KIAA0930: variants seen among roughly 807,000 people sequenced by gnomAD.
KIAA0930 encodes KIAA0930.
A neutral mutation model predicts 43.9 loss-of-function variants in KIAA0930; 24 were observed. The observed-to-expected ratio is 0.55, with a 90% CI of 0.40 to 0.77. The LOEUF (loss-of-function observed/expected upper bound fraction) is 0.77, where lower values mean the gene tolerates loss of function less well. Among genes scored for constraint, KIAA0930 ranks in the 30% least tolerant of loss-of-function variants. The pLI is 0.00. For synonymous variants in KIAA0930, 259 were observed against 216.4 expected (o/e 1.20, Z -1.73); for missense variants, 461 against 574.2 (o/e 0.80, Z 2.02).
chr22:45,224,354 T>C (rs2083785572), intron 1 of KIAA0930, among the ~76,000 whole-genome samples: 1 of 152,250 alleles, frequency 6.6e-6, no homozygotes, highest in Non-Finnish European at 1.5e-5. Flanking sequence ...AACTTCGTCC[T>C]GTTTTACAAA....
intron 1 of KIAA0930, among the ~76,000 whole-genome samples, chr22:45,231,019 C>T (rs145938070): frequency 3.9e-5 from 6 of 152,096 alleles, no homozygotes; most frequent in African/African-American, 1.4e-4. Context: ...GAGACTGAGG[C>T]AGATGGATCA....
At chr22:45,240,434 G>A (rs1185169898) in intron 1 of KIAA0930, among the ~76,000 whole-genome samples, 1 of 152,106 alleles carries the variant, frequency 6.6e-6, no homozygotes, top group Non-Finnish European at 1.5e-5. Flanking sequence ...CGGGGCGCTC[G>A]TCGGACGGAA....
chr22:45,212,812 G>A (rs769625082), intron 1 of KIAA0930, among the ~76,000 whole-genome samples: 1 of 152,220 alleles, frequency 6.6e-6, no homozygotes, highest in East Asian at 1.9e-4. Context: ...CAGCGCTGCC[G>A]CTGGTGATGG....
chr22:45,205,399 G>A (rs2083627627), intron 4 of KIAA0930, 81 bp from the exon 5 acceptor site: 2 of 1,250,532 alleles, frequency 1.6e-6, no homozygotes, highest in Non-Finnish European at 2.3e-6. Flanking sequence ...AGTATAGGGA[G>A]GCCACCCGGC....
intron 2 of KIAA0930, chr22:45,211,479 C>T (rs1018798551): frequency 2.5e-6 from 1 of 402,598 alleles, no homozygotes. Flanking sequence ...GTTGGGACTT[C>T]ACAAGGAGGC....
At chr22:45,226,244 G>A (rs2147760018) in intron 1 of KIAA0930, 1 of 471,102 alleles carries the variant, frequency 2.1e-6, no homozygotes, top group Non-Finnish European at 4.4e-6. Context: ...CAATCCCCAG[G>A]CCACATGTGT....
At position 45,209,265 on chromosome 22, in the gene KIAA0930, T is replaced by C. The variant is rs1297927970; in HGVS notation, c.216+2691A>G. On this transcript the variant is annotated intron_variant, in intron 2 of 9. Transcript: ENST00000336156. ...CCAGGCTCCCGCAGAGGACTTGCAG[T>C]GCGCAGGCGACTCCGCGGGTCCCCC... is the stretch of plus-strand genomic sequence containing the variant. Among the ~76,000 whole-genome samples the C allele has an allele frequency of 4.6e-5, 7 of 152,240 alleles. No individual in the cohort carries two copies. In the East Asian group the frequency reaches 1.4e-3, roughly 29 times the overall value.
intron 1 of KIAA0930, among the ~76,000 whole-genome samples, chr22:45,217,142 CT>C (rs1297021785): frequency 6.6e-6 from 1 of 152,096 alleles, no homozygotes; most frequent in East Asian, 1.9e-4. Context: ...AGGTAGAATA[CT>C]TGAGGTCAGG....
At chr22:45,216,874 C>T (rs5766549) in intron 1 of KIAA0930, among the ~76,000 whole-genome samples, 23,730 of 152,024 alleles carry the variant, frequency 0.16, 2,150 homozygotes, top group African/African-American at 0.24. Context: ...CCCTGCCTTC[C>T]CTCCCTTCCC....
At chr22:45,223,936 C>CCA (rs1410504024) in intron 1 of KIAA0930, among the ~76,000 whole-genome samples, 1 of 145,448 alleles carries the variant, frequency 6.9e-6, no homozygotes, top group Non-Finnish European at 1.5e-5. Flanking sequence ...CCCAGGGTAA[C>CCA]CACTGAGCCA....
chr22:45,199,849 C>A, intron 8 of KIAA0930, 24 bp downstream of exon 8: 1 of 1,535,526 alleles, frequency 6.5e-7, no homozygotes, highest in East Asian at 2.4e-5. Flanking sequence ...CACGGGGACC[C>A]TAGGGCACGG....
Position 45,195,322 on chromosome 22 carries a change from G to C in KIAA0930, c.*1854C>G, listed in dbSNP as rs559616162. The C allele has an allele frequency of 6.6e-6, 1 of 152,390 alleles. No homozygotes were observed. Among genetic ancestry groups the C allele is most frequent in the East Asian group, 1.9e-4 (1 of 5,180 alleles). 9.4% of individuals were successfully genotyped at this position (152,390 alleles called of 1,614,324 possible). Reference sequence around the variant, plus strand: ...AACCTGGACTGCCTCATCTTCCCACGGACGAGCTGTCAGGGCTGTGTTTCT... The same window carrying C: ...AACCTGGACTGCCTCATCTTCCCACCGACGAGCTGTCAGGGCTGTGTTTCT... On this transcript the variant is annotated 3_prime_UTR_variant, in exon 10 of 10. Coordinates refer to ENST00000336156, the MANE Select transcript of KIAA0930 (RefSeq NM_001009880.2).
intron 1 of KIAA0930, among the ~76,000 whole-genome samples, chr22:45,214,748 A>AT (rs1165773036): frequency 6.6e-6 from 1 of 152,046 alleles, no homozygotes; most frequent in African/African-American, 2.4e-5. Flanking sequence ...GTCTCTAAAA[A>AT]AAAAATAAAA....
intron 2 of KIAA0930, chr22:45,211,216 C>G: frequency 2.6e-6 from 1 of 387,472 alleles, no homozygotes; most frequent in Non-Finnish European, 4.6e-6. Flanking sequence ...CCAGACCTAG[C>G]TACACGGCCC....
At chr22:45,202,069 C>T (rs752515726) in intron 7 of KIAA0930, among the ~76,000 whole-genome samples, 63 of 152,376 alleles carry the variant, frequency 4.1e-4, no homozygotes, top group Non-Finnish European at 7.3e-4. Flanking sequence ...AAAAGAGACA[C>T]ACCCAAGGTT....
At chr22:45,206,252 G>A (rs1721013619) in intron 2 of KIAA0930, among the ~76,000 whole-genome samples, 1 of 152,150 alleles carries the variant, frequency 6.6e-6, no homozygotes, top group South Asian at 2.1e-4. Flanking sequence ...CCTGGGCTCA[G>A]GTGATCCTCC....
chr22:45,215,960 G>A (rs1205085824), intron 1 of KIAA0930, among the ~76,000 whole-genome samples: 2 of 151,946 alleles, frequency 1.3e-5, no homozygotes, highest in African/African-American at 2.4e-5. Context: ...CCCGGGAGGC[G>A]GAGCCTGCAG....
chr22:45,201,125 G>A, intron 7 of KIAA0930: 1 of 444,014 alleles, frequency 2.3e-6, no homozygotes, highest in Non-Finnish European at 4.6e-6. Flanking sequence ...CCTGGCAGCT[G>A]CTGGGCTCCA....
At chr22:45,205,562 G>GTC in intron 4 of KIAA0930, 68 bp downstream of exon 4, 2 of 1,459,118 alleles carry the variant, frequency 1.4e-6, no homozygotes, top group South Asian at 1.1e-5. Context: ...AGGAGGACTT[G>GTC]TCTCTCTCTG....
Sources: gnomAD v4.1 joint callset for allele counts (sites outside exome capture counted in the v4.1 genomes callset) on GRCh38, gnomAD v4.1.1 for gene constraint, MANE v1.5 for transcripts, NCBI Gene and HGNC (gene_info 2026-07-23, HGNC 2026-07-21) for gene names.